SLC12A2: variants seen among roughly 807,000 people sequenced by gnomAD.
SLC12A2 encodes the protein Na-K-2Cl cotransporter 1.
SLC12A2 carries 67 observed loss-of-function variants against 136.3 expected under a neutral mutation model. That is an observed-to-expected ratio of 0.49 (90% confidence interval 0.40 to 0.60). The LOEUF (loss-of-function observed/expected upper bound fraction) is 0.60, where lower values mean the gene tolerates loss of function less well. SLC12A2 is among the 20% of genes least tolerant of loss of function. SLC12A2 has a pLI of 0.00. For missense variants in SLC12A2, 1,322 were observed against 1,534.7 expected (o/e 0.86, Z 2.32); for synonymous variants, 619 against 562.9 (o/e 1.10, Z -1.41).
chr5:128,180,862 T>C, intron 22 of SLC12A2, 21 bp from the exon 23 acceptor site: 1 of 1,346,414 alleles, frequency 7.4e-7, no homozygotes, highest in Non-Finnish European at 1.1e-6. Flanking sequence ...GTAAATGATT[T>C]ATTACATTTT....
intron 1 of SLC12A2, among the ~76,000 whole-genome samples, chr5:128,105,746 A>G (rs1248568893): frequency 6.6e-6 from 1 of 152,218 alleles, no homozygotes; most frequent in Non-Finnish European, 1.5e-5. Flanking sequence ...CAAGGAAGTA[A>G]TGATGATGGA....
At chr5:128,140,356 A>C (rs1250129388) in intron 9 of SLC12A2, among the ~76,000 whole-genome samples, 1 of 152,140 alleles carries the variant, frequency 6.6e-6, no homozygotes, top group Admixed American at 6.6e-5. Context: ...TCACACACAA[A>C]TCTCTGAAAT....
chr5:128,110,169 G>C (rs767086708), intron 1 of SLC12A2: 12 of 826,486 alleles, frequency 1.5e-5, no homozygotes, highest in Non-Finnish European at 2.6e-5. Flanking sequence ...GAAGATGCCA[G>C]ATGTAGAGTT....
At chr5:128,165,543 A>G (rs790154) in intron 17 of SLC12A2, among the ~76,000 whole-genome samples, 126,010 of 152,162 alleles carry the variant, frequency 0.83, 52,885 homozygotes, top group African/African-American at 0.95. Flanking sequence ...TTCCAGAGAA[A>G]ACATATTTTC....
chr5:128,126,966 A>ATATATATATATATATAATTTT, intron 4 of SLC12A2, among the ~76,000 whole-genome samples: 18 of 21,160 alleles, frequency 8.5e-4, no homozygotes, highest in African/African-American at 3.7e-3. Flanking sequence ...ATATATATAT[A>ATATATATATATATATAATTTT]TTTTTTTTTT....
chr5:128,116,580 G>A (rs1285325966), intron 4 of SLC12A2, among the ~76,000 whole-genome samples: 1 of 151,964 alleles, frequency 6.6e-6, no homozygotes, highest in Admixed American at 6.5e-5. Context: ...CACAAAGGAA[G>A]AACCTAGAGG....
rs1763974948 is a variant in SLC12A2, at chr5:128,189,398, T to C, written c.*2767T>C. On this transcript the variant is annotated 3_prime_UTR_variant, in exon 27 of 27. Coordinates refer to ENST00000262461, the MANE Select transcript of SLC12A2 (RefSeq NM_001046.3). The stretch of plus-strand genomic sequence containing the variant: ...ATTATTAACAGTTACTGAAATCAAA[T>C]ATTTATTTGTTACATTATTCCATTT... 1 of 152,204 alleles carries C rather than the reference T, an allele frequency of 6.6e-6. No homozygotes were observed. Among genetic ancestry groups the C allele is most frequent in the African/African-American group, 2.4e-5 (1 of 41,454 alleles). The allele number at this position is 152,204 out of a possible 1,614,324, so 9.4% of individuals were successfully genotyped here.
intron 4 of SLC12A2, 130 bp downstream of exon 4, chr5:128,114,811 A>G (rs1761287966): frequency 5.0e-6 from 3 of 603,234 alleles, no homozygotes; most frequent in Non-Finnish European, 5.7e-6. Flanking sequence ...GAAAGTTGCT[A>G]CCGAGCACTT....
At chr5:128,117,253 A>G (rs1394323490) in intron 4 of SLC12A2, among the ~76,000 whole-genome samples, 3 of 152,208 alleles carry the variant, frequency 2.0e-5, no homozygotes, top group Non-Finnish European at 2.9e-5. Flanking sequence ...CTAAGAGTCA[A>G]CCTAAAGGAG....
At chr5:128,129,469 A>G (rs2126694721) in intron 4 of SLC12A2, among the ~76,000 whole-genome samples, 1 of 150,664 alleles carries the variant, frequency 6.6e-6, no homozygotes, top group Admixed American at 6.6e-5. Flanking sequence ...TTAAATGGTT[A>G]GGTTGCTTTT....
intron 1 of SLC12A2, among the ~76,000 whole-genome samples, chr5:128,085,827 C>T (rs1760081922): frequency 6.6e-6 from 1 of 152,198 alleles, no homozygotes; most frequent in Non-Finnish European, 1.5e-5. Context: ...GTAACATTCA[C>T]ACAGAGGTAA....
chr5:128,171,636 G>A (rs543077540), intron 18 of SLC12A2, 31 bp from the exon 19 acceptor site: 1 of 1,442,028 alleles, frequency 6.9e-7, no homozygotes, highest in East Asian at 2.3e-5. Flanking sequence ...TTTTTTTTTG[G>A]TTTTTTCATT....
chr5:128,164,152 G>T (rs1173294953), intron 17 of SLC12A2, among the ~76,000 whole-genome samples: 1 of 152,056 alleles, frequency 6.6e-6, no homozygotes, highest in East Asian at 1.9e-4. Context: ...AGATTGTTAG[G>T]CCCCACCCCA....
intron 12 of SLC12A2, among the ~76,000 whole-genome samples, chr5:128,149,170 G>T (rs1762619967): frequency 6.6e-6 from 1 of 151,736 alleles, no homozygotes; most frequent in African/African-American, 2.4e-5. Context: ...TGCCTTTGAT[G>T]ATCTATTTTT....
At chr5:128,086,934 A>G (rs1460293984) in intron 1 of SLC12A2, among the ~76,000 whole-genome samples, 1 of 152,156 alleles carries the variant, frequency 6.6e-6, no homozygotes, top group Non-Finnish European at 1.5e-5. Flanking sequence ...TTTTTATAAC[A>G]CCTAATTCTA....
At chr5:128,165,777 C>T (rs1763180202) in intron 17 of SLC12A2, among the ~76,000 whole-genome samples, 1 of 151,864 alleles carries the variant, frequency 6.6e-6, no homozygotes, top group Non-Finnish European at 1.5e-5. Context: ...AAAATAAAAC[C>T]TTTTAATTAT....
intron 17 of SLC12A2, among the ~76,000 whole-genome samples, chr5:128,167,084 AT>A (rs1347384017): frequency 6.6e-6 from 1 of 152,110 alleles, no homozygotes; most frequent in Admixed American, 6.6e-5. Context: ...TCTTGAGATG[AT>A]TTATAGAATA....
chr5:128,177,080 T>C (rs777609994), intron 20 of SLC12A2, 25 bp from the exon 21 acceptor site: 2 of 1,494,042 alleles, frequency 1.3e-6, no homozygotes, highest in Non-Finnish European at 1.8e-6. Context: ...TTAACATATT[T>C]TTGTGTTTTT....
intron 7 of SLC12A2, among the ~76,000 whole-genome samples, chr5:128,136,430 A>C (rs1471062107): frequency 6.6e-6 from 1 of 152,044 alleles, no homozygotes; most frequent in Admixed American, 6.5e-5. Context: ...CAGTTTCTCT[A>C]TTGTGAAGTT....
Sources: allele counts gnomAD v4.1 joint callset (sites outside exome capture counted in the v4.1 genomes callset), GRCh38; gene constraint gnomAD v4.1.1; transcripts MANE v1.5; gene names NCBI Gene and HGNC (gene_info 2026-07-23, HGNC 2026-07-21).